Variants in HYDIN observed in about 807,000 individuals in gnomAD.
HYDIN encodes HYDIN axonemal central pair apparatus protein.
In HYDIN, 132 loss-of-function variants were observed where a neutral mutation model predicts 403.9. The ratio of observed to expected loss-of-function variants is 0.33; its 90% CI spans 0.28 to 0.38. The LOEUF is 0.38. Ranked by LOEUF, HYDIN falls within the 10% of genes least tolerant of loss-of-function variation. The pLI is 1.00. For missense variants in HYDIN, 2,827 were observed against 5,009.5 expected (o/e 0.56, Z 13.15); for synonymous variants, 1,202 against 1,891.7 (o/e 0.64, Z 9.46).
intron 7 of HYDIN, among the ~76,000 whole-genome samples, chr16:71,149,715 A>G (rs911504451): frequency 6.6e-6 from 1 of 152,104 alleles, no homozygotes; most frequent in Non-Finnish European, 1.5e-5. Context: ...TTTAGTACAG[A>G]CATGGTTTCA....
At chr16:70,881,894 C>A (rs1278579212) in intron 60 of HYDIN, among the ~76,000 whole-genome samples, 1 of 152,182 alleles carries the variant, frequency 6.6e-6, no homozygotes, top group Admixed American at 6.5e-5. Flanking sequence ...GTATTTGCCA[C>A]ACATTGGATT....
At chr16:70,871,987 T>A in intron 65 of HYDIN, 50 bp downstream of exon 65, 64 of 1,587,344 alleles carry the variant, frequency 4.0e-5, no homozygotes, top group Non-Finnish European at 5.5e-5. Flanking sequence ...CAGTCTGGGG[T>A]TGGCTTAGGA....
intron 41 of HYDIN, among the ~76,000 whole-genome samples, chr16:70,946,164 G>A (rs1016813899): frequency 1.8e-4 from 26 of 144,054 alleles, no homozygotes; most frequent in African/African-American, 6.8e-4. Flanking sequence ...TCAGCCCTGG[G>A]TGAAGGCAGG....
At chr16:71,052,424 A>G (rs1479529203) in intron 18 of HYDIN, among the ~76,000 whole-genome samples, 1 of 152,118 alleles carries the variant, frequency 6.6e-6, no homozygotes, top group Non-Finnish European at 1.5e-5. Context: ...TGATAGGACG[A>G]ATGGCTTTCT....
At chr16:70,916,473 T>C (rs2076843648) in intron 47 of HYDIN, among the ~76,000 whole-genome samples, 3 of 152,158 alleles carry the variant, frequency 2.0e-5, no homozygotes, top group South Asian at 2.1e-4. Flanking sequence ...CTTCTGCAGT[T>C]TGGGCACTCA....
intron 39 of HYDIN, among the ~76,000 whole-genome samples, chr16:70,956,200 T>C (rs1268117633): frequency 6.6e-6 from 1 of 151,976 alleles, no homozygotes; most frequent in Admixed American, 6.6e-5. Context: ...AGGAAAACTT[T>C]TTATTTTAAA....
intron 6 of HYDIN, among the ~76,000 whole-genome samples, chr16:71,161,370 C>A (rs1454806614): frequency 2.0e-5 from 3 of 152,210 alleles, no homozygotes; most frequent in Admixed American, 2.0e-4. Flanking sequence ...TGCTGTGCAG[C>A]CTGATTCCTA....
intron 20 of HYDIN, chr16:71,026,993 T>C (rs935287996): frequency 1.6e-5 from 5 of 320,232 alleles, no homozygotes; most frequent in Non-Finnish European, 2.3e-5. Flanking sequence ...AGGTTTTTAA[T>C]GGTTTCCACA....
chr16:70,810,133 G>A lies in HYDIN; in HGVS notation c.14659-126C>T, dbSNP rs1335294266. On this transcript the variant is annotated intron_variant, in intron 84 of 85. Coordinates refer to ENST00000393567, the MANE Select transcript of HYDIN (RefSeq NM_001270974.2). ...TAGTGCACATGATCATGCTGTTCTT[G>A]CTCCTGGGGAACCTGTCCAAACCAG... 8.1e-6 allele frequency: 7 copies of A among 868,824 alleles called. No individual in the cohort carries two copies. In the South Asian group the frequency reaches 9.2e-5, roughly 11 times the overall value. The allele number at this position is 868,824 out of a possible 1,614,324, so 53.8% of individuals were successfully genotyped here.
chr16:70,901,584 C>CTT (rs77192535), intron 52 of HYDIN, among the ~76,000 whole-genome samples: 1 of 123,310 alleles, frequency 8.1e-6, no homozygotes, highest in Non-Finnish European at 1.7e-5. Flanking sequence ...TATTTTCTTT[C>CTT]TTTTTTTTTT....
At chr16:71,216,256 CTATAA>C (rs1342824307) in intron 1 of HYDIN, among the ~76,000 whole-genome samples, 6 of 152,096 alleles carry the variant, frequency 3.9e-5, no homozygotes, top group East Asian at 1.9e-4. Context: ...TGCCATATTC[CTATAA>C]TATAATATCA....
At chr16:70,883,009 G>T (rs2040906038) in intron 59 of HYDIN, 114 bp from the exon 60 acceptor site, 1 of 808,972 alleles carries the variant, frequency 1.2e-6, no homozygotes, top group African/African-American at 1.7e-5. Context: ...GGACACATAG[G>T]CGAAGTCATG....
intron 7 of HYDIN, among the ~76,000 whole-genome samples, chr16:71,141,556 A>G (rs2085174348): frequency 1.3e-5 from 2 of 152,028 alleles, no homozygotes; most frequent in African/African-American, 4.8e-5. Context: ...CAGGACCTCT[A>G]AGAAACATGT....
At chr16:70,918,538 G>A in intron 46 of HYDIN, 109 bp from the exon 47 acceptor site, 2 of 636,684 alleles carry the variant, frequency 3.1e-6, no homozygotes, top group Non-Finnish European at 5.5e-6. Context: ...TTTGCAACTG[G>A]GCTGTAAACT....
rs1264633152 is a variant in HYDIN, at chr16:70,989,057, ATGT to A, written c.3865-548_3865-546del. Among the ~76,000 whole-genome samples, 65 of 152,104 alleles carry A rather than the reference ATGT, an allele frequency of 4.3e-4. 5 individuals carry two copies. The South Asian group carries it at 0.014, about 32-fold the overall frequency. ...TATATGTACACACATGTACATATAT[ATGT>A]ACATATATATTTTATTTTTGAGACA... On this transcript the variant is annotated intron_variant, in intron 25 of 85. Transcript: ENST00000393567.
chr16:70,980,811 G>T (rs1240777523), intron 29 of HYDIN, among the ~76,000 whole-genome samples: 3 of 152,132 alleles, frequency 2.0e-5, no homozygotes, highest in Non-Finnish European at 4.4e-5. Flanking sequence ...TGGCTAAAAG[G>T]GCTGCTCAGC....
At chr16:71,220,431 CAAGT>C (rs1309714785) in intron 1 of HYDIN, among the ~76,000 whole-genome samples, 1 of 152,164 alleles carries the variant, frequency 6.6e-6, no homozygotes, top group Non-Finnish European at 1.5e-5. Flanking sequence ...TACCAACTTA[CAAGT>C]ATCATTTTCT....
chr16:70,807,407 G>T lies in HYDIN; in HGVS notation c.*173C>A. ...TGTGTGTAGTTATAATGTTTAATAT[G>T]GAATAGATATTTCATATCTATATTT... On this transcript the variant is annotated 3_prime_UTR_variant, in exon 86 of 86. Transcript: ENST00000393567. 1 of 668,158 alleles carries T rather than the reference G, an allele frequency of 1.5e-6. No individual in the cohort carries two copies. Among genetic ancestry groups the T allele is most frequent in the East Asian group, 2.8e-5 (1 of 36,338 alleles). 41.4% of individuals were successfully genotyped at this position (668,158 alleles called of 1,614,324 possible).
chr16:71,126,053 G>A (rs1490411491), intron 9 of HYDIN, among the ~76,000 whole-genome samples: 1 of 152,030 alleles, frequency 6.6e-6, no homozygotes, highest in African/African-American at 2.4e-5. Flanking sequence ...TGCTTGGAGA[G>A]TCACCTTCTC....
Sources: allele counts gnomAD v4.1 joint callset (sites outside exome capture counted in the v4.1 genomes callset), GRCh38; gene constraint gnomAD v4.1.1; transcripts MANE v1.5; gene names NCBI Gene and HGNC (gene_info 2026-07-23, HGNC 2026-07-21).